The following NETO1 variants were observed in gnomAD, a reference collection of about 807,000 sequenced individuals.
NETO1 encodes neuropilin and tolloid like 1.
A neutral mutation model predicts 61.3 loss-of-function variants in NETO1; 26 were observed. The ratio of observed to expected loss-of-function variants is 0.42; its 90% CI spans 0.31 to 0.59. The LOEUF is 0.59. Among genes scored for constraint, NETO1 ranks in the 20% least tolerant of loss-of-function variants. The pLI, the probability that NETO1 is intolerant of heterozygous loss-of-function variation, is 0.12. For missense variants in NETO1, 531 were observed against 662.8 expected, an observed-to-expected ratio of 0.80 and a Z score of 2.18; for synonymous variants, 225 against 225.8, an observed-to-expected ratio of 1.00 and a Z score of 0.03.
chr18:72,758,009 G>A (rs1374412057), intron 7 of NETO1, among the ~76,000 whole-genome samples: 1 of 151,974 alleles, frequency 6.6e-6, no homozygotes, highest in Non-Finnish European at 1.5e-5. Context: ...TATATTTACC[G>A]ACCTTCTATG....
chr18:72,786,789 C>T (rs917187399), intron 6 of NETO1, among the ~76,000 whole-genome samples: 4 of 151,282 alleles, frequency 2.6e-5, no homozygotes, highest in African/African-American at 4.9e-5. Flanking sequence ...TATACTAACT[C>T]GTTTGTTTTT....
At chr18:72,768,838 G>T (rs1211303270) in intron 7 of NETO1, among the ~76,000 whole-genome samples, 2 of 152,174 alleles carry the variant, frequency 1.3e-5, no homozygotes, top group Non-Finnish European at 2.9e-5. Flanking sequence ...CCTGGTCTCA[G>T]CCCAGTAAAA....
intron 4 of NETO1, among the ~76,000 whole-genome samples, chr18:72,831,361 GAC>G (rs1351443635): frequency 6.6e-6 from 1 of 152,156 alleles, no homozygotes; most frequent in Non-Finnish European, 1.5e-5. Flanking sequence ...TCAGATAAAA[GAC>G]ACTGGGTTAA....
Position 72,864,935 on chromosome 18 carries a change from G to T in NETO1, c.93C>A (p.Thr31=). 6.3e-7 allele frequency: 1 copy of T among 1,577,106 alleles called. No individual in the cohort carries two copies. The highest frequency in any genetic ancestry group is 8.5e-7 in the Non-Finnish European group (1 of 1,170,768). Residue 31 remains threonine (T), a synonymous_variant, in exon 3 of 11, where the codon ACC becomes ACA. Transcript: ENST00000327305. ...GCACTGACTTCTGTGTTTCTGAGGT[G>T]GTTTGCTTTTCTGTTAAAAAAAAAA... ...GATKKGTEKQ[T]TSETQKSVQC...
chr18:72,771,999 C>T (rs2071366889), intron 7 of NETO1, among the ~76,000 whole-genome samples: 1 of 152,006 alleles, frequency 6.6e-6, no homozygotes, highest in South Asian at 2.1e-4. Context: ...GGATTGGGTT[C>T]TCATGAAAAA....
chr18:72,787,389 A>G (rs10871706), intron 6 of NETO1, among the ~76,000 whole-genome samples: 51,637 of 151,496 alleles, frequency 0.34, 9,125 homozygotes, highest in Admixed American at 0.47. Context: ...ATAAAAACCA[A>G]GTACTAAGCC....
chr18:72,796,759 C>T (rs1022272489), intron 4 of NETO1, among the ~76,000 whole-genome samples: 8 of 151,480 alleles, frequency 5.3e-5, no homozygotes, highest in Admixed American at 1.3e-4. Context: ...CCACCGCGCC[C>T]GGCCGAAAAT....
intron 7 of NETO1, among the ~76,000 whole-genome samples, chr18:72,779,567 CACTGAT>C (rs1405078810): frequency 6.6e-6 from 1 of 152,088 alleles, no homozygotes; most frequent in Non-Finnish European, 1.5e-5. Flanking sequence ...CAAGTAGTAG[CACTGAT>C]CGAAGCCCAC....
intron 3 of NETO1, 28 bp from the exon 4 acceptor site, chr18:72,859,102 A>G (rs2074492429): frequency 6.4e-7 from 1 of 1,551,692 alleles, no homozygotes; most frequent in Admixed American, 2.1e-5. Context: ...TGTGTCTAGG[A>G]GGTCATTTCT....
Position 72,761,400 on chromosome 18 carries a change from G to A in NETO1, c.869-5253C>T, listed in dbSNP as rs112966295. Among the ~76,000 whole-genome samples the A allele has an allele frequency of 7.3e-3, 1,111 of 152,240 alleles. 19 individuals are homozygous for A. In the South Asian group the frequency reaches 0.076, roughly 10 times the overall value. On this transcript the variant is annotated intron_variant, in intron 7 of 10. Coordinates refer to ENST00000327305, the MANE Select transcript of NETO1 (RefSeq NM_138966.5). ...TGCATATTAAATAAAATACAAATAC[G>A]TATTGGAATGTGTTTGTACTACTTA...
At chr18:72,828,826 G>A (rs73474008) in intron 4 of NETO1, among the ~76,000 whole-genome samples, 2,491 of 152,198 alleles carry the variant, frequency 0.016, 74 homozygotes, top group African/African-American at 0.056. Flanking sequence ...AGTCAAATAA[G>A]GTCTACTAAG....
At chr18:72,822,728 C>T (rs1482246593) in intron 4 of NETO1, among the ~76,000 whole-genome samples, 1 of 152,156 alleles carries the variant, frequency 6.6e-6, no homozygotes, top group Non-Finnish European at 1.5e-5. Flanking sequence ...AAGCTGAAGA[C>T]TTCACTTGCG....
chr18:72,819,383 GA>G (rs2073124299), intron 4 of NETO1, among the ~76,000 whole-genome samples: 1 of 152,102 alleles, frequency 6.6e-6, no homozygotes, highest in Non-Finnish European at 1.5e-5. Context: ...GGCTTCTAAA[GA>G]GCTCTATAAT....
At chr18:72,841,404 G>C (rs999604195) in intron 4 of NETO1, among the ~76,000 whole-genome samples, 3 of 65,126 alleles carry the variant, frequency 4.6e-5, no homozygotes, top group Non-Finnish European at 9.5e-5. Flanking sequence ...GGATCAAGCA[G>C]TATAACGAGC....
At chr18:72,806,753 A>T (rs1252655012) in intron 4 of NETO1, among the ~76,000 whole-genome samples, 1 of 152,116 alleles carries the variant, frequency 6.6e-6, no homozygotes, top group Non-Finnish European at 1.5e-5. Context: ...CAGATGACTG[A>T]CTTCCATTTC....
intron 4 of NETO1, among the ~76,000 whole-genome samples, chr18:72,803,544 C>T (rs2072575285): frequency 6.6e-6 from 1 of 152,134 alleles, no homozygotes; most frequent in South Asian, 2.1e-4. Flanking sequence ...CTCTCCTGGC[C>T]AGGAGCGGTG....
chr18:72,761,079 A>T (rs988702179), intron 7 of NETO1, among the ~76,000 whole-genome samples: 5 of 152,114 alleles, frequency 3.3e-5, no homozygotes, highest in African/African-American at 9.7e-5. Flanking sequence ...ATGACATAAA[A>T]TGTTAAGATG....
intron 4 of NETO1, among the ~76,000 whole-genome samples, chr18:72,846,504 C>CAAAAAAGAAAAAAAA (rs2074090025): frequency 7.7e-5 from 1 of 13,004 alleles, no homozygotes; most frequent in Non-Finnish European, 1.3e-4. Flanking sequence ...GACTTCATCT[C>CAAAAAAGAAAAAAAA]AAAAAAAAAA....
chr18:72,759,581 T>C (rs1396352518), intron 7 of NETO1, among the ~76,000 whole-genome samples: 1 of 152,142 alleles, frequency 6.6e-6, no homozygotes, highest in Non-Finnish European at 1.5e-5. Context: ...CTCTGACAAA[T>C]GTGTTTATTG....
Sources: allele counts gnomAD v4.1 joint callset (sites outside exome capture counted in the v4.1 genomes callset), GRCh38; gene constraint gnomAD v4.1.1; transcripts MANE v1.5; gene names NCBI Gene and HGNC (gene_info 2026-07-23, HGNC 2026-07-21).